SMARCA1: variants seen among roughly 807,000 people sequenced by gnomAD.
SMARCA1 encodes the protein SNF2 related chromatin remodeling ATPase 1, also known as SWI/SNF-related matrix-associated actin-dependent regulator of chromatin subfamily A member 1.
A neutral mutation model predicts 93.6 loss-of-function variants in SMARCA1; 17 were observed. The observed-to-expected ratio is 0.18, with a 90% confidence interval of 0.12 to 0.27. SMARCA1 has a LOEUF of 0.27. Ranked by LOEUF, SMARCA1 falls within the 10% of genes least tolerant of loss-of-function variation. The pLI is 1.00. For missense variants in SMARCA1, 630 were observed against 819.0 expected (o/e 0.77, Z 2.82); for synonymous variants, 271 against 271.4 (o/e 1.00, Z 0.01).
At chrX:129,501,057 T>C (rs1439592977) in intron 9 of SMARCA1, among the ~76,000 whole-genome samples, 1 of 112,143 alleles carries the variant, frequency 8.9e-6, no homozygotes, top group Non-Finnish European at 1.9e-5. Flanking sequence ...GAACTTTACA[T>C]GTATTATTTA....
chrX:129,511,476 T>C (rs772103461), intron 6 of SMARCA1, among the ~76,000 whole-genome samples: 2 of 112,142 alleles, frequency 1.8e-5, no homozygotes, highest in East Asian at 5.5e-4. Flanking sequence ...TGGTAAGATA[T>C]ACTGTCAATA....
chrX:129,506,183 G>A lies in SMARCA1; in HGVS notation c.995C>T (p.Ser332Leu), dbSNP rs1275784696. The stretch of plus-strand genomic sequence containing the variant: ...TCCAGTTAGGAGCAAGCGGTTAGTC[G>A]ACTTGAACTCACGAACAATCTCTGA... ...KLSEIVREFK[S>L]TNRLLLTGTP... Residue 332 changes from serine to leucine, a missense_variant, in exon 8 of 25, where the codon TCG becomes TTG. By Grantham distance (145) the Ser-to-Leu change is moderately radical. Transcript: ENST00000371121. The A allele has an allele frequency of 1.7e-6, 2 of 1,193,364 alleles. No individual in the cohort carries two copies. Among genetic ancestry groups the A allele is most frequent in the South Asian group, 1.8e-5 (1 of 56,078 alleles).
intron 9 of SMARCA1, 83 bp downstream of exon 9, chrX:129,504,651 A>G: frequency 3.0e-6 from 2 of 657,752 alleles, no homozygotes; most frequent in Non-Finnish European, 4.8e-6. Flanking sequence ...CACAAGTTCA[A>G]ACAGATTCCA....
chrX:129,523,387 C>A lies in SMARCA1; in HGVS notation c.-17G>T. On this transcript the variant is annotated 5_prime_UTR_variant, in exon 1 of 25. Coordinates refer to ENST00000371121, the MANE Select transcript of SMARCA1 (RefSeq NM_001282874.2). ...CTGCTCCATGCCGTGGGAGCGGGAACGAGTAGGGGGACAAGGCAGGGGACG... is the reference window on the plus strand; with the variant it reads ...CTGCTCCATGCCGTGGGAGCGGGAAAGAGTAGGGGGACAAGGCAGGGGACG... 1.7e-6 allele frequency: 2 copies of A among 1,151,191 alleles called. No homozygotes were observed. The highest frequency in any genetic ancestry group is 1.2e-6 in the Non-Finnish European group (1 of 867,697). The allele number at this position is 1,151,191 out of a possible 1,213,427, so 94.9% of individuals were successfully genotyped here. A position where few individuals can be genotyped will look rare whatever the true frequency, so the allele number is the denominator to read the frequency against.
intron 1 of SMARCA1, among the ~76,000 whole-genome samples, chrX:129,522,867 C>T (rs1935455943): frequency 1.8e-5 from 2 of 111,361 alleles, no homozygotes; most frequent in Non-Finnish European, 3.8e-5. Context: ...CAGCCCCATC[C>T]CCCACCCCGT....
intron 5 of SMARCA1, among the ~76,000 whole-genome samples, chrX:129,515,392 T>C (rs1323857317): frequency 9.1e-6 from 1 of 109,751 alleles, no homozygotes; most frequent in Admixed American, 9.8e-5. Context: ...CCCAGTGTGG[T>C]GGGCACGTGC....
In SMARCA1 at chrX:129,497,744, T is replaced by G. The variant is rs184606961; in HGVS notation, c.1504+101A>C. 1,283 of 526,696 alleles carry G rather than the reference T, an allele frequency of 2.4e-3. 5 individuals carry two copies. Among genetic ancestry groups the G allele is most frequent in the Middle Eastern group, 0.016 (30 of 1,881 alleles). 43.4% of individuals were successfully genotyped at this position (526,696 alleles called of 1,213,427 possible). On this transcript the variant is annotated intron_variant, in intron 11 of 24. Transcript: ENST00000371121. ...CTGGCAAATGGTAAGTACTCAACAA[T>G]GTCTGCTGAATAAGTGAATGAATGA...
At position 129,455,269 on chromosome X, in the gene SMARCA1, C is replaced by T. The variant is rs953957950; in HGVS notation, c.3031-6826G>A. ...GCACATATACCCCCATGGAATACTACGCAGTCATAAAAAGGATGAGTTCAT... is the reference window on the plus strand; with the variant it reads ...GCACATATACCCCCATGGAATACTATGCAGTCATAAAAAGGATGAGTTCAT... On this transcript the variant is annotated intron_variant, in intron 23 of 24. Transcript: ENST00000371121. Among the ~76,000 whole-genome samples, 14 of 111,502 alleles carry T rather than the reference C, an allele frequency of 1.3e-4. 1 individual carries two copies. The highest frequency in any genetic ancestry group is 2.8e-4 in the East Asian group (1 of 3,548).
chrX:129,500,137 A>G (rs6637607), intron 9 of SMARCA1, among the ~76,000 whole-genome samples: 7 of 109,637 alleles, frequency 6.4e-5, no homozygotes, highest in Admixed American at 9.7e-5. Flanking sequence ...AAAAAAAAAA[A>G]AAGAAGCTGC....
intron 19 of SMARCA1, among the ~76,000 whole-genome samples, chrX:129,478,351 A>T (rs1205245571): frequency 8.9e-6 from 1 of 112,196 alleles, no homozygotes; most frequent in African/African-American, 3.2e-5. Flanking sequence ...ATTACACTTT[A>T]AAAAAAGGTC....
chrX:129,449,318 T>G (rs1932167250), intron 23 of SMARCA1, among the ~76,000 whole-genome samples: 1 of 112,090 alleles, frequency 8.9e-6, no homozygotes, highest in Non-Finnish European at 1.9e-5. Flanking sequence ...GTTCCCTATG[T>G]GCACTGTGAA....
chrX:129,521,449 T>C (rs1935392243), intron 1 of SMARCA1, among the ~76,000 whole-genome samples: 2 of 112,416 alleles, frequency 1.8e-5, no homozygotes, highest in Admixed American at 9.4e-5. Flanking sequence ...CAGCACCTCA[T>C]TTCCCTGTCC....
intron 1 of SMARCA1, 118 bp downstream of exon 1, chrX:129,523,079 C>T: frequency 1.2e-6 from 1 of 841,163 alleles, no homozygotes; most frequent in Non-Finnish European, 1.7e-6. Flanking sequence ...GCACCCGCCG[C>T]CCCTAGCCCC....
intron 14 of SMARCA1, among the ~76,000 whole-genome samples, chrX:129,490,713 C>T (rs911804786): frequency 6.3e-5 from 7 of 110,931 alleles, no homozygotes; most frequent in African/African-American, 2.3e-4. Context: ...TGGCGAACTT[C>T]TAGTGGTATA....
Position 129,496,766 on chromosome X carries a change from G to A in SMARCA1, c.1610C>T (p.Pro537Leu), listed in dbSNP as rs946859680. The A allele has an allele frequency of 1.1e-5, 13 of 1,201,113 alleles. No homozygotes were observed. In the African/African-American group the frequency reaches 1.2e-4, roughly 11 times the overall value. The change falls in exon 12 of 25, where the codon CCG (proline) becomes CTG (leucine). Residue 537 changes from proline to leucine, a missense_variant. Pro to Leu is a moderately conservative substitution (Grantham distance 98). This residue lies in a region of SMARCA1 where 382 missense variants were observed against 537.9 expected (regional missense o/e 0.71). Transcript: ENST00000371121. ...YEYCRLDGQT[P>L]HEEREDKFLE... The stretch of plus-strand genomic sequence containing the variant: ...CTTCCTCACCTCTCTTTCTTCATGC[G>A]GGGTTTGTCCATCCAGTCGACAATA...
At chrX:129,463,980 TA>T (rs1299330246) in intron 23 of SMARCA1, among the ~76,000 whole-genome samples, 2 of 111,435 alleles carry the variant, frequency 1.8e-5, no homozygotes, top group Non-Finnish European at 3.8e-5. Context: ...ATAAATAAAA[TA>T]AATAAATGTT....
chrX:129,465,038 T>C (rs755784656), intron 23 of SMARCA1, among the ~76,000 whole-genome samples: 2 of 111,020 alleles, frequency 1.8e-5, no homozygotes, highest in East Asian at 5.6e-4. Flanking sequence ...TGTGTGAAAC[T>C]TGCAGGATCA....
chrX:129,452,192 T>C (rs1341276037), intron 23 of SMARCA1, among the ~76,000 whole-genome samples: 2 of 112,712 alleles, frequency 1.8e-5, no homozygotes, highest in East Asian at 5.6e-4. Context: ...ATTCTTTTTC[T>C]ATAATTTCTC....
intron 20 of SMARCA1, among the ~76,000 whole-genome samples, chrX:129,469,138 T>C (rs1449357966): frequency 8.9e-6 from 1 of 112,190 alleles, no homozygotes; most frequent in Non-Finnish European, 1.9e-5. Flanking sequence ...CGAAGATCTG[T>C]AGTTTTTAAT....
Sources: allele counts gnomAD v4.1 joint callset (sites outside exome capture counted in the v4.1 genomes callset), GRCh38; gene constraint gnomAD v4.1.1; regional missense constraint gnomAD v4.1.1; transcripts MANE v1.5; gene names NCBI Gene and HGNC (gene_info 2026-07-23, HGNC 2026-07-21).